Variants in DNAH12 observed in about 807,000 individuals in gnomAD.
DNAH12 encodes axonemal beta dynein heavy chain 12.
DNAH12 carries 285 observed loss-of-function variants against 371.5 expected under a neutral mutation model. The ratio of observed to expected loss-of-function variants is 0.77; its 90% CI spans 0.70 to 0.85. The LOEUF (loss-of-function observed/expected upper bound fraction) is 0.85. Ranked by LOEUF, DNAH12 falls within the 40% of genes least tolerant of loss-of-function variation. DNAH12 has a pLI of 0.00. For synonymous variants in DNAH12, 1,200 were observed against 1,213.0 expected (o/e 0.99, Z 0.22); for missense variants, 3,611 against 3,689.4 (o/e 0.98, Z 0.55).
intron 60 of DNAH12, 70 bp downstream of exon 60, chr3:57,352,015 A>G (rs2062687365): frequency 7.2e-7 from 1 of 1,389,396 alleles, no homozygotes; most frequent in African/African-American, 1.5e-5. Flanking sequence ...GTGAGAAGAC[A>G]TATTCACAGA....
chr3:57,471,507 A>G lies in DNAH12; in HGVS notation c.1876T>C (p.Phe626Leu). The change falls in exon 15 of 74, where the codon TTT (phenylalanine) becomes CTT (leucine). Residue 626 changes from phenylalanine (F) to leucine (L), a missense_variant. Coordinates refer to ENST00000495027, the MANE Select transcript of DNAH12 (RefSeq NM_001366028.2). ...CGCTCCAGCTCTGCAAATTCTGTAAACTCCTCCATGCGGCGTGATTCTTTT... is the reference window on the plus strand; with the variant it reads ...CGCTCCAGCTCTGCAAATTCTGTAAGCTCCTCCATGCGGCGTGATTCTTTT... The part of the protein sequence containing the change: ...IEKESRRMEE[F>L]TEFAELERMQ... The G allele has an allele frequency of 1.3e-6, 2 of 1,547,328 alleles. No homozygotes were observed.
intron 62 of DNAH12, among the ~76,000 whole-genome samples, chr3:57,325,843 T>C (rs751946202): frequency 1.3e-5 from 2 of 152,070 alleles, no homozygotes; most frequent in African/African-American, 4.8e-5. Flanking sequence ...AAATGTATAA[T>C]TAGAACAACC....
intron 58 of DNAH12, among the ~76,000 whole-genome samples, chr3:57,359,037 G>T (rs1257965681): frequency 6.6e-6 from 1 of 152,008 alleles, no homozygotes; most frequent in East Asian, 2.0e-4. Context: ...ACCTGCTTTG[G>T]CCTCCCAAAG....
chr3:57,335,066 G>A, intron 60 of DNAH12, 126 bp from the exon 61 acceptor site: 1 of 985,110 alleles, frequency 1.0e-6, no homozygotes, highest in Non-Finnish European at 1.4e-6. Context: ...TAAACAACTA[G>A]AAAACTGGAC....
chr3:57,352,560 C>A (rs1351152268), intron 59 of DNAH12, among the ~76,000 whole-genome samples: 1 of 151,856 alleles, frequency 6.6e-6, no homozygotes, highest in Admixed American at 6.6e-5. Flanking sequence ...GGGTATAATT[C>A]TCTGAGAAAG....
rs908375064 is a variant in DNAH12 at position 57,510,869 on chromosome 3, C to T, written c.390G>A (p.Gly130=). 6 of 1,613,926 alleles carry T rather than the reference C, an allele frequency of 3.7e-6. No individual in the cohort carries two copies. Among genetic ancestry groups the T allele is most frequent in the African/African-American group, 1.3e-5 (1 of 74,884 alleles). Residue 130 remains glycine, a synonymous_variant, in exon 5 of 74, where the codon GGG becomes GGA. Coordinates refer to ENST00000495027, the MANE Select transcript of DNAH12 (RefSeq NM_001366028.2). ...TTTCAAGAAGTTCTTCTCTTTCTTTCCCTTCCTTTAAAGACTCAGGTATCA... is the reference window on the plus strand; with the variant it reads ...TTTCAAGAAGTTCTTCTCTTTCTTTTCCTTCCTTTAAAGACTCAGGTATCA... The part of the protein sequence containing the change: ...LRLIPESLKE[G]KEREELLESL...
At chr3:57,304,446 C>T (rs994297150) in intron 69 of DNAH12, among the ~76,000 whole-genome samples, 1 of 152,256 alleles carries the variant, frequency 6.6e-6, no homozygotes, top group East Asian at 1.9e-4. Context: ...TCTCCAACCT[C>T]TCTTACTATC....
intron 73 of DNAH12, 85 bp from the exon 74 acceptor site, chr3:57,294,056 A>G: frequency 8.3e-7 from 1 of 1,207,024 alleles, no homozygotes; most frequent in South Asian, 2.0e-5. Flanking sequence ...TTGTAATAAA[A>G]TGGCCAGAAC....
At chr3:57,305,997 C>G (rs749850789) in intron 69 of DNAH12, among the ~76,000 whole-genome samples, 3 of 152,178 alleles carry the variant, frequency 2.0e-5, no homozygotes, top group African/African-American at 4.8e-5. Flanking sequence ...ATGCCCGCAG[C>G]CCGGGATTCC....
At chr3:57,340,866 C>T (rs188081489) in intron 60 of DNAH12, among the ~76,000 whole-genome samples, 1 of 152,062 alleles carries the variant, frequency 6.6e-6, no homozygotes, top group Non-Finnish European at 1.5e-5. Context: ...AAAACTAGAC[C>T]AATGTCTCTG....
In DNAH12 at chr3:57,530,136, T is replaced by C. The variant is rs191951773; in HGVS notation, c.171-6252A>G. Among the ~76,000 whole-genome samples the C allele has an allele frequency of 1.2e-3, 178 of 152,250 alleles. 1 individual carries two copies. Among genetic ancestry groups the C allele is most frequent in the African/African-American group, 4.2e-3 (174 of 41,570 alleles). On this transcript the variant is annotated intron_variant, in intron 2 of 73. Transcript: ENST00000495027. The stretch of plus-strand genomic sequence containing the variant: ...TTCAAATTCTTTGAATGTTTTAAGT[T>C]CAATTCAAATTTTTTGAATGTTTAA...
intron 66 of DNAH12, 110 bp from the exon 67 acceptor site, chr3:57,311,060 G>T: frequency 1.2e-6 from 1 of 801,778 alleles, no homozygotes; most frequent in Non-Finnish European, 2.0e-6. Context: ...ATTATCATGA[G>T]TTGTCTTTCG....
chr3:57,323,287 C>T, intron 63 of DNAH12, 27 bp from the exon 64 acceptor site: 2 of 1,543,150 alleles, frequency 1.3e-6, no homozygotes, highest in Non-Finnish European at 1.7e-6. Flanking sequence ...AAAATGGTCA[C>T]ACTACTTACT....
chr3:57,353,150 T>TTC (rs1228445570), intron 59 of DNAH12, among the ~76,000 whole-genome samples: 2 of 151,826 alleles, frequency 1.3e-5, no homozygotes, highest in African/African-American at 4.8e-5. Context: ...CTGGGTGGAG[T>TTC]TGACTGATAC....
chr3:57,318,119 G>C (rs1465015030), intron 65 of DNAH12, among the ~76,000 whole-genome samples: 1 of 151,890 alleles, frequency 6.6e-6, no homozygotes, highest in African/African-American at 2.4e-5. Context: ...CCTTAGGTTG[G>C]CTTTTCACTT....
intron 11 of DNAH12, among the ~76,000 whole-genome samples, chr3:57,500,279 G>A (rs1408411770): frequency 6.6e-6 from 1 of 152,144 alleles, no homozygotes; most frequent in Non-Finnish European, 1.5e-5. Context: ...GACCTCAGGT[G>A]ATCCACCCGC....
chr3:57,456,146 G>A (rs1326875482), intron 22 of DNAH12, among the ~76,000 whole-genome samples: 1 of 152,206 alleles, frequency 6.6e-6, no homozygotes, highest in African/African-American at 2.4e-5. Context: ...TAGGTACATA[G>A]AAGGTCAATT....
intron 47 of DNAH12, 63 bp downstream of exon 47, chr3:57,386,378 T>A: frequency 6.8e-6 from 1 of 147,316 alleles, no homozygotes; most frequent in South Asian, 2.1e-4. Context: ...AATTGTAGCT[T>A]GTATTATTAT....
In DNAH12 at chr3:57,294,034, G is replaced by T. The variant is rs181370234; in HGVS notation, c.11693-63C>A. The T allele has an allele frequency of 2.1e-5, 28 of 1,335,940 alleles. No individual in the cohort carries two copies. In the Admixed American group the frequency reaches 3.9e-4, roughly 19 times the overall value. The allele number at this position is 1,335,940 out of a possible 1,614,324, so 82.8% of individuals were successfully genotyped here. On this transcript the variant is annotated intron_variant, in intron 73 of 73. Transcript: ENST00000495027. ...GGAAAAACAGCCATTGGTACGAAAA[G>T]AACTATTTATCTTGTAATAAAATGG...
Sources: gnomAD v4.1 joint callset for allele counts (sites outside exome capture counted in the v4.1 genomes callset) on GRCh38, gnomAD v4.1.1 for gene constraint, MANE v1.5 for transcripts, NCBI Gene and HGNC (gene_info 2026-07-23, HGNC 2026-07-21) for gene names.